The following DISP1 variants were observed in gnomAD, a reference collection of about 807,000 sequenced individuals.
The protein encoded by DISP1 is protein dispatched homolog 1.
A neutral mutation model predicts 37.3 loss-of-function variants in DISP1; 30 were observed. The ratio of observed to expected loss-of-function variants is 0.80; its 90% CI spans 0.60 to 1.09. The LOEUF (loss-of-function observed/expected upper bound fraction) is 1.09, where lower values mean the gene tolerates loss of function less well. DISP1 is among the 50% of genes least tolerant of loss of function. DISP1 has a pLI of 0.00. For synonymous variants in DISP1, 634 were observed against 690.2 expected (o/e 0.92, Z 1.28); for missense variants, 1,598 against 1,879.5 (o/e 0.85, Z 2.77).
chr1:222,984,853 T>C (rs968333648), intron 4 of DISP1, among the ~76,000 whole-genome samples: 2 of 152,208 alleles, frequency 1.3e-5, no homozygotes, highest in African/African-American at 4.8e-5. Context: ...TGGGTTTGAC[T>C]GCTGTAAGTA....
chr1:222,845,142 G>A (rs1480043085), intron 1 of DISP1, among the ~76,000 whole-genome samples: 2 of 152,120 alleles, frequency 1.3e-5, no homozygotes, highest in African/African-American at 4.8e-5. Flanking sequence ...TGCAGTTTTT[G>A]CCATTGCTAG....
intron 1 of DISP1, among the ~76,000 whole-genome samples, chr1:222,832,408 G>T (rs192937688): frequency 6.6e-6 from 1 of 151,986 alleles, no homozygotes; most frequent in Non-Finnish European, 1.5e-5. Context: ...CTAATGTTAA[G>T]GTCTAAGAAA....
intron 3 of DISP1, among the ~76,000 whole-genome samples, chr1:222,974,746 A>C (rs548616293): frequency 8.5e-4 from 130 of 152,334 alleles, no homozygotes; most frequent in African/African-American, 3.0e-3. Flanking sequence ...GTTAGAGGCC[A>C]AGCTTAGCTT....
intron 1 of DISP1, among the ~76,000 whole-genome samples, chr1:222,884,881 C>T (rs149567980): frequency 1.6e-4 from 25 of 152,176 alleles, no homozygotes; most frequent in African/African-American, 5.5e-4. Context: ...TGTGTGCCCA[C>T]GCTGGAGTGC....
intron 3 of DISP1, among the ~76,000 whole-genome samples, chr1:222,966,192 G>A (rs887836039): frequency 2.6e-5 from 4 of 152,140 alleles, no homozygotes; most frequent in Admixed American, 1.3e-4. Flanking sequence ...CCCACTTATT[G>A]TAACTAGATA....
In DISP1 at chr1:222,984,419, A is replaced by ATATAT. The variant is rs761912265; in HGVS notation, c.539+1310_539+1311insTATAT. Reference sequence around the variant, plus strand: ...ACTCTGTCTCAAAAAAAAAAAAAAAAAAATATATATATATATAGAGAGAGA... The same window carrying ATATAT: ...ACTCTGTCTCAAAAAAAAAAAAAAAATATATAAATATATATATATATAGAGAGAGA... On this transcript the variant is annotated intron_variant, in intron 4 of 8. Transcript: ENST00000675850. 2.5e-3 allele frequency among the ~76,000 whole-genome samples: 250 copies of ATATAT among 101,052 alleles called. 14 individuals are homozygous for ATATAT. The highest frequency in any genetic ancestry group is 8.5e-3 in the East Asian group (31 of 3,632). The allele number at this position is 101,052 out of a possible 152,430, so 66.3% of individuals were successfully genotyped here.
intron 3 of DISP1, among the ~76,000 whole-genome samples, chr1:222,977,871 CT>C (rs1316797252): frequency 6.6e-6 from 1 of 152,266 alleles, no homozygotes; most frequent in Non-Finnish European, 1.5e-5. Context: ...GAACTCATCA[CT>C]TTTTATGGCT....
chr1:222,838,837 T>A (rs1667413039), intron 1 of DISP1, among the ~76,000 whole-genome samples: 1 of 152,250 alleles, frequency 6.6e-6, no homozygotes, highest in South Asian at 2.1e-4. Flanking sequence ...TAGTCTATTA[T>A]TGTTTTATGG....
intron 1 of DISP1, among the ~76,000 whole-genome samples, chr1:222,857,587 A>G (rs551738103): frequency 3.0e-4 from 45 of 152,350 alleles, no homozygotes; most frequent in Non-Finnish European, 5.4e-4. Context: ...GCAAAGTCTT[A>G]AGATACAAAA....
chr1:222,953,321 T>C (rs1367725078), intron 3 of DISP1, among the ~76,000 whole-genome samples: 2 of 152,220 alleles, frequency 1.3e-5, no homozygotes, highest in East Asian at 1.9e-4. Flanking sequence ...GTTGTTGTTT[T>C]TGTTATTGTT....
chr1:222,880,147 A>G (rs1670196719), intron 1 of DISP1, among the ~76,000 whole-genome samples: 1 of 152,214 alleles, frequency 6.6e-6, no homozygotes, highest in Non-Finnish European at 1.5e-5. Context: ...ACCCATTACA[A>G]TTTACACTTA....
chr1:222,961,506 A>G (rs938860737), intron 3 of DISP1, among the ~76,000 whole-genome samples: 78 of 152,216 alleles, frequency 5.1e-4, no homozygotes, highest in African/African-American at 1.8e-3. Flanking sequence ...CCCACAGCCA[A>G]TATCATATTG....
intron 2 of DISP1, among the ~76,000 whole-genome samples, chr1:222,936,596 T>TATATA (rs1553331405): frequency 5.6e-5 from 1 of 17,858 alleles, no homozygotes; most frequent in Non-Finnish European, 1.1e-4. Flanking sequence ...ATGAGAGATA[T>TATATA]ATATCTCTCA....
chr1:222,927,811 A>G (rs1673171759), intron 1 of DISP1, among the ~76,000 whole-genome samples: 1 of 152,202 alleles, frequency 6.6e-6, no homozygotes, highest in Admixed American at 6.5e-5. Flanking sequence ...TGAGGGCCAT[A>G]TGTTTATAAA....
rs185338910 is a variant in DISP1 at position 222,870,933 on chromosome 1, G to T, written c.-159+55855G>T. On this transcript the variant is annotated intron_variant, in intron 1 of 8. Transcript: ENST00000675850. ...GTTTTTATGGTTTTAGGTCTTACAT[G>T]TAAGTCTTTAATGCATCTTGAATTA... is the stretch of plus-strand genomic sequence containing the variant. Among the ~76,000 whole-genome samples, 453 of 152,146 alleles carry T rather than the reference G, an allele frequency of 3.0e-3. 3 individuals are homozygous for T. The highest frequency in any genetic ancestry group is 0.011 in the African/African-American group (438 of 41,546).
intron 1 of DISP1, among the ~76,000 whole-genome samples, chr1:222,838,393 AT>A (rs984810179): frequency 6.6e-6 from 1 of 151,778 alleles, no homozygotes; most frequent in Non-Finnish European, 1.5e-5. Flanking sequence ...TGATTTTCTA[AT>A]TTTTACTTTT....
intron 3 of DISP1, among the ~76,000 whole-genome samples, chr1:222,980,149 G>A (rs540381418): frequency 1.5e-4 from 23 of 152,318 alleles, no homozygotes; most frequent in Non-Finnish European, 2.8e-4. Flanking sequence ...CATAGACAAT[G>A]CAGCAGGTCT....
rs1244279532 is a variant in DISP1, at chr1:222,984,443, G to T, written c.539+1334G>T. Among the ~76,000 whole-genome samples, 497 of 134,994 alleles carry T rather than the reference G, an allele frequency of 3.7e-3. 15 individuals carry two copies. Among genetic ancestry groups the T allele is most frequent in the African/African-American group, 0.011 (409 of 35,700 alleles). 88.6% of individuals were successfully genotyped at this position (134,994 alleles called of 152,430 possible). A position where few individuals can be genotyped will look rare whatever the true frequency, so the allele number is the denominator to read the frequency against. ...AAAAATATATATATATATAGAGAGA[G>T]AGAGAGAGAGAGAGAGCGTACTCAT... On this transcript the variant is annotated intron_variant, in intron 4 of 8. Transcript: ENST00000675850.
intron 1 of DISP1, among the ~76,000 whole-genome samples, chr1:222,885,917 C>T (rs1263431778): frequency 6.6e-6 from 1 of 151,756 alleles, no homozygotes; most frequent in Non-Finnish European, 1.5e-5. Context: ...AGTATTTTCT[C>T]CTACTGAGAT....
Sources: gnomAD v4.1 joint callset for allele counts (sites outside exome capture counted in the v4.1 genomes callset) on GRCh38, gnomAD v4.1.1 for gene constraint, MANE v1.5 for transcripts, NCBI Gene and HGNC (gene_info 2026-07-23, HGNC 2026-07-21) for gene names.